CCDC25: variants seen among roughly 807,000 people sequenced by gnomAD.
CCDC25 encodes coiled-coil domain-containing protein 25.
In CCDC25, 16 loss-of-function variants were observed where a neutral mutation model predicts 35.3. The ratio of observed to expected loss-of-function variants is 0.45; its 90% CI spans 0.31 to 0.69. CCDC25 has a LOEUF of 0.69. CCDC25 is among the 30% of genes least tolerant of loss of function. The pLI is 0.06. For synonymous variants in CCDC25, 79 were observed against 80.3 expected (o/e 0.98, Z 0.09); for missense variants, 179 against 250.7 (o/e 0.71, Z 1.93).
rs377586990 is a variant in CCDC25, at chr8:27,750,461, C to A, written c.245-1863G>T. ...GCCAGGCATGTAATTAACACTCCATCAGTGTTAGCAATTACTACCACCACT... is the reference window on the plus strand; with the variant it reads ...GCCAGGCATGTAATTAACACTCCATAAGTGTTAGCAATTACTACCACCACT... On this transcript the variant is annotated intron_variant, in intron 5 of 8. Transcript: ENST00000356537. Among the ~76,000 whole-genome samples the A allele has an allele frequency of 4.6e-5, 7 of 152,306 alleles. No individual in the cohort carries two copies. The South Asian group carries it at 1.2e-3, about 27-fold the overall frequency.
At position 27,733,387 on chromosome 8, in the gene CCDC25, T is replaced by C. The variant is rs1350915922; in HGVS notation, c.*2829A>G. On this transcript the variant is annotated 3_prime_UTR_variant, in exon 9 of 9. Transcript: ENST00000356537. ...CATTCAGGACATGCTGCATCTGGGGTTGGCATCATTTCCCTTTTGAATGAC... is the reference window on the plus strand; with the variant it reads ...CATTCAGGACATGCTGCATCTGGGGCTGGCATCATTTCCCTTTTGAATGAC... The C allele has an allele frequency of 6.6e-6, 1 of 152,196 alleles. No individual in the cohort carries two copies. Among genetic ancestry groups the C allele is most frequent in the Non-Finnish European group, 1.5e-5 (1 of 68,034 alleles). The allele number at this position is 152,196 out of a possible 1,614,324, so 9.4% of individuals were successfully genotyped here.
rs781451747 is a variant in CCDC25, at chr8:27,752,596, CAAAAAT to C, written c.169-15_169-10del. ...TCTTCTATATTCTCTCCCTGAAACACAAAAATAAACCAATTGGTCCACTACCTCATT... is the reference window on the plus strand; with the variant it reads ...TCTTCTATATTCTCTCCCTGAAACACAAACCAATTGGTCCACTACCTCATT... On this transcript the variant is annotated splice_polypyrimidine_tract_variant and intron_variant, in intron 4 of 8. Coordinates refer to ENST00000356537, the MANE Select transcript of CCDC25 (RefSeq NM_018246.3). 1.7e-5 allele frequency: 27 copies of C among 1,609,230 alleles called. No individual in the cohort carries two copies. Among genetic ancestry groups the C allele is most frequent in the Non-Finnish European group, 2.2e-5 (26 of 1,176,084 alleles).
chr8:27,752,655 G>T, intron 4 of CCDC25, 68 bp from the exon 5 acceptor site: 2 of 1,188,318 alleles, frequency 1.7e-6, no homozygotes, highest in Non-Finnish European at 2.5e-6. Flanking sequence ...CACTCAAAGG[G>T]CATTTGCTGC....
chr8:27,765,121 G>C (rs1040808981), intron 2 of CCDC25, 83 bp downstream of exon 2: 3 of 1,293,460 alleles, frequency 2.3e-6, no homozygotes, highest in Non-Finnish European at 2.1e-6. Context: ...CCAACAAACT[G>C]GGTGGGGGGC....
At chr8:27,766,085 C>T (rs578123975) in intron 1 of CCDC25, among the ~76,000 whole-genome samples, 3 of 152,350 alleles carry the variant, frequency 2.0e-5, no homozygotes, top group African/African-American at 7.2e-5. Flanking sequence ...TAACTGAGTG[C>T]CAGGTTTCAA....
At chr8:27,749,183 GGAA>G (rs1803710114) in intron 5 of CCDC25, among the ~76,000 whole-genome samples, 1 of 152,170 alleles carries the variant, frequency 6.6e-6, no homozygotes, top group Non-Finnish European at 1.5e-5. Flanking sequence ...CGCTCTGGAT[GGAA>G]GGAGTGCCAG....
chr8:27,762,030 C>T (rs542741541), intron 3 of CCDC25, among the ~76,000 whole-genome samples: 43 of 152,192 alleles, frequency 2.8e-4, no homozygotes, highest in African/African-American at 8.7e-4. Context: ...AAAGCTGGAC[C>T]AGTAAGAACC....
chr8:27,756,826 G>T (rs1375899702), intron 3 of CCDC25, 56 bp from the exon 4 acceptor site: 2 of 1,188,892 alleles, frequency 1.7e-6, no homozygotes, highest in African/African-American at 1.5e-5. Flanking sequence ...ATCTCCTCAG[G>T]CCACATGCCA....
rs1056119183 is a variant in CCDC25, at chr8:27,765,634, A to G, written c.29-383T>C. Among the ~76,000 whole-genome samples the G allele has an allele frequency of 9.9e-5, 15 of 151,996 alleles. No homozygotes were observed. In the South Asian group the frequency reaches 1.2e-3, roughly 13 times the overall value. Reference sequence around the variant, plus strand: ...TTTTGCCTTCTTTAAGAGTTAAAAAAAAAAGAAAAGAAAAGAAAACTAAAC... The same window carrying G: ...TTTTGCCTTCTTTAAGAGTTAAAAAGAAAAGAAAAGAAAAGAAAACTAAAC... On this transcript the variant is annotated intron_variant, in intron 1 of 8. Coordinates refer to ENST00000356537, the MANE Select transcript of CCDC25 (RefSeq NM_018246.3).
chr8:27,771,545 A>T (rs1299570841), intron 1 of CCDC25, among the ~76,000 whole-genome samples: 1 of 152,150 alleles, frequency 6.6e-6, no homozygotes, highest in Non-Finnish European at 1.5e-5. Flanking sequence ...ACCTTATTGT[A>T]CTGTACTCAC....
chr8:27,756,485 G>T (rs747724742), intron 4 of CCDC25: 11 of 483,436 alleles, frequency 2.3e-5, no homozygotes, highest in Non-Finnish European at 3.4e-5. Context: ...GAAGTGACAG[G>T]ATAAGCAGTG....
chr8:27,740,554 T>C (rs756484869), intron 7 of CCDC25, 37 bp from the exon 8 acceptor site: 7 of 1,571,510 alleles, frequency 4.5e-6, no homozygotes, highest in African/African-American at 4.0e-5. Context: ...ATTTAAAATA[T>C]GGTGATCCAG....
intron 5 of CCDC25, among the ~76,000 whole-genome samples, chr8:27,749,561 C>T (rs755708929): frequency 6.6e-6 from 1 of 152,144 alleles, no homozygotes; most frequent in Non-Finnish European, 1.5e-5. Flanking sequence ...AATCCCATTA[C>T]TACAACTGGT....
At chr8:27,757,237 T>C (rs1397155678) in intron 3 of CCDC25, among the ~76,000 whole-genome samples, 1 of 152,158 alleles carries the variant, frequency 6.6e-6, no homozygotes, top group Non-Finnish European at 1.5e-5. Context: ...AACCACAGTT[T>C]GGCGGAAACA....
chr8:27,759,418 C>T (rs1416534306), intron 3 of CCDC25, among the ~76,000 whole-genome samples: 1 of 151,930 alleles, frequency 6.6e-6, no homozygotes, highest in African/African-American at 2.4e-5. Context: ...ACCAGCCTGG[C>T]CAATATGATG....
chr8:27,762,472 T>C lies in CCDC25; in HGVS notation c.77-14A>G, dbSNP rs766153394. Reference sequence around the variant, plus strand: ...TCAGATCTTCATCTGCAATGAGATATGAGAAACGAAAGAAACAAAAACTGT... The same window carrying C: ...TCAGATCTTCATCTGCAATGAGATACGAGAAACGAAAGAAACAAAAACTGT... On this transcript the variant is annotated splice_polypyrimidine_tract_variant and intron_variant, in intron 2 of 8. Transcript: ENST00000356537. The C allele has an allele frequency of 2.2e-5, 35 of 1,610,940 alleles. No individual in the cohort carries two copies. The highest frequency in any genetic ancestry group is 2.8e-5 in the Non-Finnish European group (33 of 1,178,866).
At chr8:27,771,185 C>T (rs1422736654) in intron 1 of CCDC25, among the ~76,000 whole-genome samples, 1 of 152,148 alleles carries the variant, frequency 6.6e-6, no homozygotes, top group Non-Finnish European at 1.5e-5. Flanking sequence ...CATTGCGTTA[C>T]CATTGCCTAC....
chr8:27,740,915 G>A (rs447699), intron 7 of CCDC25, among the ~76,000 whole-genome samples: 1 of 152,178 alleles, frequency 6.6e-6, no homozygotes, highest in East Asian at 1.9e-4. Flanking sequence ...AAACACATCA[G>A]TGTGGGCAGG....
chr8:27,771,776 T>C (rs117788944), intron 1 of CCDC25, among the ~76,000 whole-genome samples: 122 of 152,180 alleles, frequency 8.0e-4, no homozygotes, highest in Non-Finnish European at 1.5e-3. Context: ...GGAGCTAGCA[T>C]CAGGAAAGGC....
Sources: allele counts gnomAD v4.1 joint callset (sites outside exome capture counted in the v4.1 genomes callset), GRCh38; gene constraint gnomAD v4.1.1; transcripts MANE v1.5; gene names NCBI Gene and HGNC (gene_info 2026-07-23, HGNC 2026-07-21).